The following LAMA2 variants were observed in gnomAD, a reference collection of about 807,000 sequenced individuals.
LAMA2 encodes laminin subunit alpha-2.
Under a neutral mutation model 364.8 loss-of-function variants are expected in LAMA2, and 269 were observed. The ratio of observed to expected loss-of-function variants is 0.74; its 90% CI spans 0.67 to 0.82. The LOEUF is 0.82. Ranked by LOEUF, LAMA2 falls within the 40% of genes least tolerant of loss-of-function variation. LAMA2 has a pLI of 0.00. For missense variants in LAMA2, 3,807 were observed against 3,873.2 expected (o/e 0.98, Z 0.45); for synonymous variants, 1,379 against 1,370.6 (o/e 1.01, Z -0.14).
intron 4 of LAMA2, among the ~76,000 whole-genome samples, chr6:129,124,383 C>T (rs1459172670): frequency 6.6e-6 from 1 of 152,166 alleles, no homozygotes; most frequent in Non-Finnish European, 1.5e-5. Context: ...TGGTGTCTCC[C>T]TCCAGATGAG....
chr6:129,277,452 T>C (rs1225903655), intron 17 of LAMA2, among the ~76,000 whole-genome samples: 1 of 152,204 alleles, frequency 6.6e-6, no homozygotes, highest in African/African-American at 2.4e-5. Context: ...CTTCAGTTTA[T>C]GTTGTTGAAA....
chr6:129,219,872 T>A (rs1783700832), intron 12 of LAMA2, among the ~76,000 whole-genome samples: 1 of 147,732 alleles, frequency 6.8e-6, no homozygotes, highest in Non-Finnish European at 1.5e-5. Flanking sequence ...AGATGCTAAA[T>A]GACGAGTTAA....
At chr6:129,489,074 C>A (rs527324334) in intron 56 of LAMA2, among the ~76,000 whole-genome samples, 1 of 152,298 alleles carries the variant, frequency 6.6e-6, no homozygotes, top group Non-Finnish European at 1.5e-5. Flanking sequence ...ATAGATTATT[C>A]TTACATTTTT....
intron 47 of LAMA2, 82 bp downstream of exon 47, chr6:129,454,370 C>A: frequency 9.0e-7 from 1 of 1,109,576 alleles, no homozygotes; most frequent in South Asian, 1.3e-5. Context: ...ACTCCTATTT[C>A]CATTTCAATA....
rs142930348 is a variant in LAMA2 at position 129,011,479 on chromosome 6, G to A, written c.113-38439G>A. 3.7e-3 allele frequency among the ~76,000 whole-genome samples: 557 copies of A among 152,216 alleles called. 3 individuals are homozygous for A. The highest frequency in any genetic ancestry group is 0.012 in the African/African-American group (519 of 41,534). On this transcript the variant is annotated intron_variant, in intron 1 of 64. Coordinates refer to ENST00000421865, the MANE Select transcript of LAMA2 (RefSeq NM_000426.4). ...CCCTTTGCACATTTATCAAATAACC[G>A]TGACTTGTCCTTTATGTTTTTTCAA...
chr6:129,296,390 G>A (rs1448881886), intron 20 of LAMA2, among the ~76,000 whole-genome samples: 1 of 151,712 alleles, frequency 6.6e-6, no homozygotes, highest in East Asian at 1.9e-4. Flanking sequence ...ACTGTTACAT[G>A]CTTTTTTCTT....
intron 9 of LAMA2, among the ~76,000 whole-genome samples, chr6:129,167,061 T>C: frequency 6.6e-6 from 1 of 152,188 alleles, no homozygotes; most frequent in South Asian, 2.1e-4. Context: ...AAATAAATTC[T>C]TAATAGTAAA....
At chr6:129,331,462 A>T in intron 29 of LAMA2, among the ~76,000 whole-genome samples, 1 of 152,102 alleles carries the variant, frequency 6.6e-6, no homozygotes, top group East Asian at 1.9e-4. Context: ...GAAGAGAGGT[A>T]ACAAGCTCCC....
chr6:129,440,224 A>G (rs903385770), intron 42 of LAMA2, among the ~76,000 whole-genome samples: 1 of 152,070 alleles, frequency 6.6e-6, no homozygotes, highest in Admixed American at 6.6e-5. Flanking sequence ...ACAAATGCAC[A>G]TATTTATACA....
intron 4 of LAMA2, among the ~76,000 whole-genome samples, chr6:129,117,856 G>C (rs1363698597): frequency 1.3e-5 from 2 of 152,156 alleles, no homozygotes; most frequent in African/African-American, 4.8e-5. Context: ...TTATACAGCT[G>C]GTAAGTGGCA....
chr6:128,971,845 A>G (rs535235233), intron 1 of LAMA2, among the ~76,000 whole-genome samples: 1 of 152,252 alleles, frequency 6.6e-6, no homozygotes, highest in African/African-American at 2.4e-5. Context: ...CTACAAGTCC[A>G]AGGGGCAGGG....
intron 22 of LAMA2, among the ~76,000 whole-genome samples, chr6:129,303,932 ATT>A: frequency 6.6e-6 from 1 of 152,218 alleles, no homozygotes; most frequent in Non-Finnish European, 1.5e-5. Context: ...ATTCAGAAGT[ATT>A]CCCTCCTCAT....
chr6:129,421,335 G>C (rs1271420136), intron 40 of LAMA2, among the ~76,000 whole-genome samples: 1 of 151,096 alleles, frequency 6.6e-6, no homozygotes, highest in Non-Finnish European at 1.5e-5. Flanking sequence ...CCATATGTAT[G>C]AATATATATA....
chr6:129,250,919 A>G (rs181688342), intron 13 of LAMA2, among the ~76,000 whole-genome samples: 102 of 152,116 alleles, frequency 6.7e-4, no homozygotes, highest in African/African-American at 2.5e-3. Context: ...ACTTTCATGC[A>G]TGTGAATCTA....
At chr6:128,893,283 A>G (rs571945895) in intron 1 of LAMA2, among the ~76,000 whole-genome samples, 1 of 152,008 alleles carries the variant, frequency 6.6e-6, no homozygotes, top group South Asian at 2.1e-4. Flanking sequence ...ACTATTTGTT[A>G]TTATAATAAA....
At position 129,366,273 on chromosome 6, in the gene LAMA2, A is replaced by G. The variant is rs143986011; in HGVS notation, c.4772A>G (p.Gln1591Arg). The change falls in exon 33 of 65, where the codon CAG (glutamine) becomes CGG (arginine). Residue 1591 changes from glutamine (Q) to arginine (R), a missense_variant. By Grantham distance (43) the Gln-to-Arg change is conservative. Around this residue, in one of 3 missense-constraint regions of LAMA2, gnomAD observed 3,333 missense variants for 3,345.7 expected, o/e 1.00. Transcript: ENST00000421865. ...CTCGGTGACTTGGCTCGCCTGGAGC[A>G]GATGGTCATGAGCATCAACCTCACT... ...LLLGDLARLE[Q>R]MVMSINLTGP... The G allele has an allele frequency of 7.4e-5, 119 of 1,614,074 alleles. No individual in the cohort carries two copies. In the East Asian group the frequency reaches 2.6e-3, roughly 35 times the overall value.
At position 129,514,225 on chromosome 6, in the gene LAMA2, T is replaced by A. The variant is rs13196682; in HGVS notation, c.8989-148T>A. On this transcript the variant is annotated intron_variant, in intron 63 of 64. Coordinates refer to ENST00000421865, the MANE Select transcript of LAMA2 (RefSeq NM_000426.4). ...ATTTATACTTTAATTTGTCAAGTTTTAAAATTTTTTTCAATATGCCCAGTT... is the reference window on the plus strand; with the variant it reads ...ATTTATACTTTAATTTGTCAAGTTTAAAAATTTTTTTCAATATGCCCAGTT... 0.45 allele frequency: 309,875 copies of A among 692,014 alleles called. 72,436 individuals are homozygous for A. Among genetic ancestry groups the A allele is most frequent in the East Asian group, 0.58 (21,153 of 36,438 alleles). 42.9% of individuals were successfully genotyped at this position (692,014 alleles called of 1,614,324 possible). A position where few individuals can be genotyped will look rare whatever the true frequency, so the allele number is the denominator to read the frequency against.
intron 8 of LAMA2, among the ~76,000 whole-genome samples, chr6:129,162,678 C>T (rs1043886596): frequency 6.6e-6 from 1 of 151,326 alleles, no homozygotes; most frequent in Non-Finnish European, 1.5e-5. Context: ...TTTCTTTGTT[C>T]TATATATATA....
intron 10 of LAMA2, among the ~76,000 whole-genome samples, chr6:129,181,331 T>A (rs1029784964): frequency 3.0e-5 from 4 of 132,924 alleles, no homozygotes; most frequent in African/African-American, 1.1e-4. Context: ...CTAGAAAGGG[T>A]AGTCTGAAAT....
Sources: gnomAD v4.1 joint callset for allele counts (sites outside exome capture counted in the v4.1 genomes callset) on GRCh38, gnomAD v4.1.1 for gene constraint, gnomAD v4.1.1 regional missense constraint, MANE v1.5 for transcripts, NCBI Gene and HGNC (gene_info 2026-07-23, HGNC 2026-07-21) for gene names.